The following TENM4 variants were observed in gnomAD, a reference collection of about 807,000 sequenced individuals.
TENM4 encodes teneurin transmembrane protein 4.
A neutral mutation model predicts 243.3 loss-of-function variants in TENM4; 82 were observed. That is an observed-to-expected ratio of 0.34 (90% CI 0.28 to 0.40). TENM4 has a LOEUF of 0.40. Ranked by LOEUF, TENM4 falls within the 10% of genes least tolerant of loss-of-function variation. The probability of loss-of-function intolerance (pLI) is 1.00; values close to 1 mark genes in which losing one functional copy is unlikely to be tolerated. For synonymous variants in TENM4, 1,412 were observed against 1,456.3 expected, an observed-to-expected ratio of 0.97 and a Z score of 0.69; for missense variants, 3,138 against 3,673.3, an observed-to-expected ratio of 0.85 and a Z score of 3.77.
At chr11:78,988,205 T>C (rs1443700855) in intron 6 of TENM4, among the ~76,000 whole-genome samples, 1 of 152,228 alleles carries the variant, frequency 6.6e-6, no homozygotes, top group Non-Finnish European at 1.5e-5. Flanking sequence ...GATACTCAAG[T>C]AGCTATGGAG....
chr11:78,770,988 C>T lies in TENM4; in HGVS notation c.2539+4G>A. On this transcript the variant is annotated splice_donor_region_variant and intron_variant, in intron 18 of 33. Coordinates refer to ENST00000278550, the MANE Select transcript of TENM4 (RefSeq NM_001098816.3). ...CCTGGAGCCCATGGGTGCCAGAGCC[C>T]TACCTCCATCATTGTCTTTGCTGTC... The T allele has an allele frequency of 1.3e-6, 2 of 1,580,114 alleles. No individual in the cohort carries two copies.
rs140005153 is a variant in TENM4, at chr11:79,086,766, G to A, written c.-65-16757C>T. ...GTGGGATCGCTTGAACCTGAAAGGC[G>A]GAGGTTGCAGTGAGCCAGGATCATT... On this transcript the variant is annotated intron_variant, in intron 4 of 33. Coordinates refer to ENST00000278550, the MANE Select transcript of TENM4 (RefSeq NM_001098816.3). Among the ~76,000 whole-genome samples the A allele has an allele frequency of 7.4e-3, 1,119 of 151,006 alleles. 19 individuals are homozygous for A. The highest frequency in any genetic ancestry group is 0.026 in the African/African-American group (1,081 of 41,016).
intron 6 of TENM4, among the ~76,000 whole-genome samples, chr11:79,020,796 G>T (rs1324816833): frequency 6.6e-6 from 1 of 152,138 alleles, no homozygotes; most frequent in South Asian, 2.1e-4. Context: ...CCCCTGAACT[G>T]CTCAGTTCAA....
At chr11:78,970,500 C>T (rs918644985) in intron 6 of TENM4, among the ~76,000 whole-genome samples, 5 of 152,200 alleles carry the variant, frequency 3.3e-5, no homozygotes, top group African/African-American at 7.2e-5. Context: ...CAATTAATTA[C>T]ATGGCCACCC....
chr11:78,972,265 C>A (rs1857560283), intron 6 of TENM4, among the ~76,000 whole-genome samples: 1 of 152,152 alleles, frequency 6.6e-6, no homozygotes, highest in South Asian at 2.1e-4. Flanking sequence ...CCTATTAAAT[C>A]TTGTGGGTCT....
chr11:79,003,607 A>C (rs1329431213), intron 6 of TENM4, among the ~76,000 whole-genome samples: 1 of 152,180 alleles, frequency 6.6e-6, no homozygotes, highest in African/African-American at 2.4e-5. Flanking sequence ...TGGTAAGGGA[A>C]TTTGCTACCA....
chr11:78,856,553 C>T (rs576231357), intron 10 of TENM4, among the ~76,000 whole-genome samples: 16 of 152,134 alleles, frequency 1.1e-4, no homozygotes, highest in East Asian at 3.9e-4. Context: ...AAGGGGCTCA[C>T]GGTAAAATAG....
chr11:79,135,695 A>G (rs1862094146), intron 4 of TENM4, among the ~76,000 whole-genome samples: 1 of 136,118 alleles, frequency 7.3e-6, no homozygotes, highest in Non-Finnish European at 1.5e-5. Context: ...TGTATGATAT[A>G]TATGATACAT....
At chr11:79,353,223 C>T (rs1533126) in intron 1 of TENM4, among the ~76,000 whole-genome samples, 21,384 of 152,108 alleles carry the variant, frequency 0.14, 1,571 homozygotes, top group Non-Finnish European at 0.17. Flanking sequence ...TGGACCAGAT[C>T]GTCATTGACA....
intron 2 of TENM4, among the ~76,000 whole-genome samples, chr11:79,285,103 T>C (rs1856226495): frequency 6.6e-6 from 1 of 152,072 alleles, no homozygotes; most frequent in Non-Finnish European, 1.5e-5. Context: ...CTGGGCATGG[T>C]GGTGGGCATC....
chr11:79,055,726 G>A (rs1162542125), intron 6 of TENM4, among the ~76,000 whole-genome samples: 13 of 152,146 alleles, frequency 8.5e-5, no homozygotes, highest in East Asian at 1.9e-4. Flanking sequence ...GAGTTTCTCC[G>A]TTTCTTCATC....
chr11:79,259,710 C>T (rs1019732794), intron 2 of TENM4, among the ~76,000 whole-genome samples: 1 of 147,540 alleles, frequency 6.8e-6, no homozygotes, highest in Non-Finnish European at 1.5e-5. Context: ...TCCATGCACA[C>T]CCATCCATCC....
At chr11:79,364,496 C>A (rs1253202598) in intron 1 of TENM4, among the ~76,000 whole-genome samples, 5 of 152,074 alleles carry the variant, frequency 3.3e-5, no homozygotes, top group African/African-American at 9.7e-5. Flanking sequence ...CTAAAATCTC[C>A]GTAGGTATGG....
At chr11:79,177,026 A>T (rs1208068215) in intron 3 of TENM4, among the ~76,000 whole-genome samples, 2 of 152,142 alleles carry the variant, frequency 1.3e-5, no homozygotes, top group African/African-American at 4.8e-5. Flanking sequence ...CATACCCCTG[A>T]CAGACTAAAC....
At chr11:79,175,480 C>T (rs1863142508) in intron 3 of TENM4, among the ~76,000 whole-genome samples, 2 of 152,178 alleles carry the variant, frequency 1.3e-5, no homozygotes, top group African/African-American at 4.8e-5. Flanking sequence ...TAAACTCTGG[C>T]ATTCCACAGG....
At chr11:79,399,848 C>T (rs7925882) in intron 1 of TENM4, among the ~76,000 whole-genome samples, 9,966 of 152,094 alleles carry the variant, frequency 0.066, 407 homozygotes, top group Middle Eastern at 0.11. Context: ...CCTTCCTTGT[C>T]GGTGTTGTTG....
intron 3 of TENM4, among the ~76,000 whole-genome samples, chr11:79,173,475 A>G (rs761304905): frequency 1.3e-5 from 2 of 152,132 alleles, no homozygotes; most frequent in Admixed American, 6.5e-5. Flanking sequence ...AACGTGGCCT[A>G]TCACCAGGTG....
intron 4 of TENM4, among the ~76,000 whole-genome samples, chr11:79,087,541 T>C (rs1427557865): frequency 6.6e-6 from 1 of 152,178 alleles, no homozygotes; most frequent in Non-Finnish European, 1.5e-5. Context: ...CCTACAAGGC[T>C]TCCAAATCAA....
chr11:78,783,479 G>T (rs1420754901), intron 16 of TENM4, among the ~76,000 whole-genome samples: 1 of 152,236 alleles, frequency 6.6e-6, no homozygotes, highest in East Asian at 1.9e-4. Flanking sequence ...GCTGATGGGT[G>T]TGCAGTTCTG....
Sources: allele counts gnomAD v4.1 joint callset (sites outside exome capture counted in the v4.1 genomes callset), GRCh38; gene constraint gnomAD v4.1.1; transcripts MANE v1.5; gene names NCBI Gene and HGNC (gene_info 2026-07-23, HGNC 2026-07-21).